The following MTHFD2L variants were observed in gnomAD, a reference collection of about 807,000 sequenced individuals.
The protein encoded by MTHFD2L is methylenetetrahydrofolate dehydrogenase (NADP+ dependent) 2 like.
A neutral mutation model predicts 34.9 loss-of-function variants in MTHFD2L; 29 were observed. The observed-to-expected ratio is 0.83, with a 90% CI of 0.62 to 1.13. The LOEUF (loss-of-function observed/expected upper bound fraction) is 1.13. Ranked by LOEUF, MTHFD2L falls within the 50% of genes most tolerant of loss-of-function variation. The pLI is 0.00. For missense variants in MTHFD2L, 481 were observed against 446.5 expected, an observed-to-expected ratio of 1.08 and a Z score of -0.70; for synonymous variants, 167 against 155.7, an observed-to-expected ratio of 1.07 and a Z score of -0.54.
At chr4:74,233,946 T>TG (rs1740473215) in intron 6 of MTHFD2L, among the ~76,000 whole-genome samples, 1 of 151,908 alleles carries the variant, frequency 6.6e-6, no homozygotes, top group Non-Finnish European at 1.5e-5. Context: ...CATATATATG[T>TG]ACTATTTCTG....
intron 1 of MTHFD2L, among the ~76,000 whole-genome samples, chr4:74,127,304 T>C (rs539597403): frequency 2.0e-5 from 3 of 152,296 alleles, no homozygotes; most frequent in African/African-American, 7.2e-5. Context: ...AAATGTACAA[T>C]AGATTGACTT....
chr4:74,266,188 T>C (rs1745263745), intron 6 of MTHFD2L, among the ~76,000 whole-genome samples: 1 of 152,192 alleles, frequency 6.6e-6, no homozygotes, highest in African/African-American at 2.4e-5. Context: ...TGTGGACTCT[T>C]ATGTTGTTCC....
intron 5 of MTHFD2L, among the ~76,000 whole-genome samples, chr4:74,206,249 A>G (rs1735291044): frequency 6.6e-6 from 1 of 152,104 alleles, no homozygotes; most frequent in Non-Finnish European, 1.5e-5. Flanking sequence ...TAAAGAAGGC[A>G]TGTAAGAATT....
At chr4:74,226,011 A>G (rs1200446442) in intron 6 of MTHFD2L, among the ~76,000 whole-genome samples, 1 of 152,082 alleles carries the variant, frequency 6.6e-6, no homozygotes, top group Non-Finnish European at 1.5e-5. Context: ...TTTTTTTAAC[A>G]TAAAGAAAAA....
intron 1 of MTHFD2L, among the ~76,000 whole-genome samples, chr4:74,169,973 T>A (rs1195112029): frequency 2.6e-5 from 4 of 152,216 alleles, no homozygotes; most frequent in Non-Finnish European, 5.9e-5. Context: ...ATTAAGGAAT[T>A]TAAGTTTGTA....
At chr4:74,224,315 C>T (rs536573734) in intron 5 of MTHFD2L, among the ~76,000 whole-genome samples, 67 of 152,208 alleles carry the variant, frequency 4.4e-4, no homozygotes, top group African/African-American at 1.5e-3. Context: ...CTGCCGCTGC[C>T]GGCCATGTTG....
intron 6 of MTHFD2L, among the ~76,000 whole-genome samples, chr4:74,274,997 G>A (rs1055332064): frequency 4.6e-5 from 7 of 152,052 alleles, no homozygotes; most frequent in African/African-American, 1.7e-4. Flanking sequence ...GAATGTGCAG[G>A]TTTATTACAT....
chr4:74,213,020 G>C (rs1428707842), intron 5 of MTHFD2L, among the ~76,000 whole-genome samples: 1 of 150,960 alleles, frequency 6.6e-6, no homozygotes, highest in African/African-American at 2.4e-5. Context: ...TGCAACCCCT[G>C]CTTTTTTTTT....
At chr4:74,199,529 T>C (rs924757610) in intron 3 of MTHFD2L, among the ~76,000 whole-genome samples, 2 of 152,106 alleles carry the variant, frequency 1.3e-5, no homozygotes, top group Non-Finnish European at 2.9e-5. Context: ...TATTGTTTAA[T>C]TCACAATTTT....
chr4:74,225,905 G>A (rs1739079294), intron 6 of MTHFD2L, among the ~76,000 whole-genome samples: 1 of 152,044 alleles, frequency 6.6e-6, no homozygotes, highest in Non-Finnish European at 1.5e-5. Context: ...TCTAGGATAA[G>A]AATCTTTCCA....
At chr4:74,189,485 CTTT>C (rs55665552) in intron 3 of MTHFD2L, among the ~76,000 whole-genome samples, 73,783 of 120,258 alleles carry the variant, frequency 0.61, 25,015 homozygotes, top group East Asian at 0.84. Context: ...GTTTTTCTTC[CTTT>C]TTTTTTTTTT....
Position 74,301,843 on chromosome 4 carries a change from G to T in MTHFD2L, c.*34G>T. Reference sequence around the variant, plus strand: ...AAAGGATAAAGCAAACTGAAGTCATGCTATTTGTTTATTTGACAAAGGGTA... The same window carrying T: ...AAAGGATAAAGCAAACTGAAGTCATTCTATTTGTTTATTTGACAAAGGGTA... On this transcript the variant is annotated 3_prime_UTR_variant, in exon 8 of 8. Transcript: ENST00000325278. 7.4e-7 allele frequency: 1 copy of T among 1,356,398 alleles called. No individual in the cohort carries two copies. Among genetic ancestry groups the T allele is most frequent in the Non-Finnish European group, 1.0e-6 (1 of 967,150 alleles). The allele number at this position is 1,356,398 out of a possible 1,614,324, so 84.0% of individuals were successfully genotyped here.
chr4:74,290,908 A>T (rs1056890020), intron 7 of MTHFD2L, among the ~76,000 whole-genome samples: 5 of 149,668 alleles, frequency 3.3e-5, no homozygotes, highest in African/African-American at 1.2e-4. Flanking sequence ...TTTGCTCTTA[A>T]TGCTATACTG....
At chr4:74,277,277 C>T (rs1180952482) in intron 6 of MTHFD2L, among the ~76,000 whole-genome samples, 1 of 151,882 alleles carries the variant, frequency 6.6e-6, no homozygotes, top group Non-Finnish European at 1.5e-5. Flanking sequence ...GTGCTTGCCC[C>T]ATTGTGACAC....
chr4:74,164,034 C>G (rs531436858), intron 1 of MTHFD2L, among the ~76,000 whole-genome samples: 1 of 152,270 alleles, frequency 6.6e-6, no homozygotes, highest in South Asian at 2.1e-4. Flanking sequence ...CGCCACCACG[C>G]CCGGCTAATT....
intron 6 of MTHFD2L, among the ~76,000 whole-genome samples, chr4:74,260,262 A>G (rs1433527747): frequency 6.6e-6 from 1 of 152,070 alleles, no homozygotes; most frequent in Non-Finnish European, 1.5e-5. Context: ...GTGTTAGGCA[A>G]CTTGATTGGG....
intron 6 of MTHFD2L, among the ~76,000 whole-genome samples, chr4:74,278,502 T>A (rs565430476): frequency 1.3e-4 from 20 of 152,176 alleles, no homozygotes; most frequent in South Asian, 1.0e-3. Flanking sequence ...TTAAAAAAAA[T>A]TTTTCCTGAG....
chr4:74,165,056 C>G, intron 1 of MTHFD2L: 4 of 884,580 alleles, frequency 4.5e-6, no homozygotes, highest in Non-Finnish European at 4.1e-6. Context: ...TTTTTTTGGC[C>G]AAACTAGCAC....
intron 6 of MTHFD2L, among the ~76,000 whole-genome samples, chr4:74,228,038 A>T (rs1293316257): frequency 1.3e-5 from 2 of 152,210 alleles, no homozygotes; most frequent in Non-Finnish European, 2.9e-5. Flanking sequence ...TAGAGTAAAA[A>T]TAGAAATGTT....
Sources: gnomAD v4.1 joint callset for allele counts (sites outside exome capture counted in the v4.1 genomes callset) on GRCh38, gnomAD v4.1.1 for gene constraint, MANE v1.5 for transcripts, NCBI Gene and HGNC (gene_info 2026-07-23, HGNC 2026-07-21) for gene names.